The following TBC1D22A variants were observed in gnomAD, a reference collection of about 807,000 sequenced individuals.
The protein encoded by TBC1D22A is TBC1 domain family member 22A, also known as putative GTPase activator.
A neutral mutation model predicts 60.2 loss-of-function variants in TBC1D22A; 38 were observed. The observed-to-expected ratio is 0.63, with a 90% CI of 0.49 to 0.83. The LOEUF (loss-of-function observed/expected upper bound fraction) is 0.83, where lower values mean the gene tolerates loss of function less well. TBC1D22A is among the 40% of genes least tolerant of loss of function. The pLI, the probability that TBC1D22A is intolerant of heterozygous loss-of-function variation, is 0.00. For synonymous variants in TBC1D22A, 302 were observed against 281.7 expected, an observed-to-expected ratio of 1.07 and a Z score of -0.72; for missense variants, 628 against 701.0, an observed-to-expected ratio of 0.90 and a Z score of 1.18.
chr22:46,909,352 A>G (rs1005163035), intron 7 of TBC1D22A, among the ~76,000 whole-genome samples: 2 of 152,160 alleles, frequency 1.3e-5, no homozygotes, highest in African/African-American at 4.8e-5. Context: ...CTGCAGTGCG[A>G]CTGCCCCCTG....
chr22:46,817,320 G>A (rs1268142750), intron 4 of TBC1D22A, among the ~76,000 whole-genome samples: 4 of 151,866 alleles, frequency 2.6e-5, no homozygotes, highest in African/African-American at 9.7e-5. Flanking sequence ...GAATGTGCAG[G>A]TTTGTTACGT....
chr22:46,967,062 C>T (rs556105271), intron 8 of TBC1D22A, among the ~76,000 whole-genome samples: 9 of 152,314 alleles, frequency 5.9e-5, no homozygotes, highest in Admixed American at 3.3e-4. Context: ...GCCCTCCCAC[C>T]GTATGCCCGC....
chr22:46,853,503 C>T (rs2087399076), intron 4 of TBC1D22A, among the ~76,000 whole-genome samples: 1 of 152,106 alleles, frequency 6.6e-6, no homozygotes, highest in Non-Finnish European at 1.5e-5. Context: ...CTTCCTCCAG[C>T]CTCCAATAGA....
intron 12 of TBC1D22A, among the ~76,000 whole-genome samples, chr22:47,113,204 GCA>G: frequency 6.6e-6 from 1 of 152,352 alleles, no homozygotes; most frequent in South Asian, 2.1e-4. Context: ...CCACCGGCCA[GCA>G]CACACAACTG....
chr22:46,868,772 T>C (rs2067170259), intron 4 of TBC1D22A, among the ~76,000 whole-genome samples: 1 of 152,248 alleles, frequency 6.6e-6, no homozygotes, highest in Non-Finnish European at 1.5e-5. Flanking sequence ...CCTCTTCTCC[T>C]TCCCCATCCT....
At chr22:47,043,797 G>A (rs116643412) in intron 11 of TBC1D22A, among the ~76,000 whole-genome samples, 2,685 of 152,274 alleles carry the variant, frequency 0.018, 67 homozygotes, top group African/African-American at 0.053. Context: ...GCAGGGGGGC[G>A]CAGTGTGCTC....
At chr22:46,944,850 G>T (rs1244500758) in intron 8 of TBC1D22A, among the ~76,000 whole-genome samples, 1 of 152,170 alleles carries the variant, frequency 6.6e-6, no homozygotes, top group Non-Finnish European at 1.5e-5. Flanking sequence ...GAGGAAAAAA[G>T]AATCCTTAAA....
At chr22:47,088,796 A>G (rs1472884386) in intron 11 of TBC1D22A, among the ~76,000 whole-genome samples, 2 of 152,192 alleles carry the variant, frequency 1.3e-5, no homozygotes, top group African/African-American at 2.4e-5. Flanking sequence ...CTGCCGATCA[A>G]TTGCAGCATC....
chr22:47,137,857 CGGGAGTG>C (rs2066931702), intron 12 of TBC1D22A, among the ~76,000 whole-genome samples: 1 of 151,574 alleles, frequency 6.6e-6, no homozygotes, highest in South Asian at 2.1e-4. Flanking sequence ...AGCGGGGAGC[CGGGAGTG>C]GGGAGTGGGA....
At chr22:46,807,757 A>G (rs1336193807) in intron 4 of TBC1D22A, among the ~76,000 whole-genome samples, 3 of 152,298 alleles carry the variant, frequency 2.0e-5, no homozygotes, top group East Asian at 3.9e-4. Flanking sequence ...GCTTCTTTGC[A>G]TTGCACACTG....
rs1367779839 is a variant in TBC1D22A at position 46,790,116 on chromosome 22, G to GT, written c.63-2404_63-2403insT. On this transcript the variant is annotated intron_variant, in intron 1 of 12. Coordinates refer to ENST00000337137, the MANE Select transcript of TBC1D22A (RefSeq NM_014346.5). ...TTCTAGAATTTGCAAGTCTGATGTGGGTCTCGCTGGGCTAACACCAAGGTG... is the reference window on the plus strand; with the variant it reads ...TTCTAGAATTTGCAAGTCTGATGTGGTGTCTCGCTGGGCTAACACCAAGGTG... 1.5e-3 allele frequency among the ~76,000 whole-genome samples: 221 copies of GT among 152,356 alleles called. 9 individuals carry two copies. In the East Asian group the frequency reaches 0.033, roughly 22 times the overall value.
rs577196262 is a variant in TBC1D22A, at chr22:47,162,647, T to G, written c.1426-10851T>G. ...TGTGGACCCGGTGCAGGGAGAGTCG[T>G]GGGAATGGGACTGCGGACCCGGTGC... On this transcript the variant is annotated intron_variant, in intron 12 of 12. Coordinates refer to ENST00000337137, the MANE Select transcript of TBC1D22A (RefSeq NM_014346.5). 8.7e-3 allele frequency among the ~76,000 whole-genome samples: 342 copies of G among 39,404 alleles called. 3 individuals carry two copies. The highest frequency in any genetic ancestry group is 0.022 in the African/African-American group (273 of 12,382). The allele number at this position is 39,404 out of a possible 152,430, so 25.9% of individuals were successfully genotyped here. A position where few individuals can be genotyped will look rare whatever the true frequency, so the allele number is the denominator to read the frequency against.
intron 11 of TBC1D22A, among the ~76,000 whole-genome samples, chr22:47,111,265 T>C (rs562759212): frequency 6.6e-6 from 1 of 152,374 alleles, no homozygotes; most frequent in South Asian, 2.1e-4. Context: ...TCTGAGGCTG[T>C]CTGAAGCTTG....
In TBC1D22A at chr22:47,138,039, G is replaced by A. The variant is rs145329669; in HGVS notation, c.1425+26436G>A. Among the ~76,000 whole-genome samples the A allele has an allele frequency of 4.7e-3, 714 of 152,272 alleles. 4 individuals carry two copies. The highest frequency in any genetic ancestry group is 0.023 in the South Asian group (109 of 4,818). ...CACAGGTGCTCTGTGGAGTGTCATC[G>A]TCAGTGCCACTGTCACCTAATAGGA... On this transcript the variant is annotated intron_variant, in intron 12 of 12. Coordinates refer to ENST00000337137, the MANE Select transcript of TBC1D22A (RefSeq NM_014346.5).
intron 11 of TBC1D22A, among the ~76,000 whole-genome samples, chr22:47,053,232 G>A (rs2063285584): frequency 1.3e-5 from 2 of 152,310 alleles, no homozygotes; most frequent in South Asian, 4.1e-4. Context: ...GCCACTTTCT[G>A]CCTCCTCCTG....
At chr22:46,773,715 G>A (rs1240989717) in intron 1 of TBC1D22A, among the ~76,000 whole-genome samples, 4 of 152,066 alleles carry the variant, frequency 2.6e-5, no homozygotes, top group East Asian at 1.9e-4. Flanking sequence ...CAGGTGATCC[G>A]CCCACCTTGG....
intron 8 of TBC1D22A, among the ~76,000 whole-genome samples, chr22:46,913,144 A>G (rs946138532): frequency 2.6e-5 from 4 of 152,236 alleles, no homozygotes; most frequent in Non-Finnish European, 4.4e-5. Flanking sequence ...TGTTTTGAAT[A>G]TGTTTTTAAG....
At chr22:46,917,677 G>A (rs1267691266) in intron 8 of TBC1D22A, among the ~76,000 whole-genome samples, 1 of 152,168 alleles carries the variant, frequency 6.6e-6, no homozygotes, top group Non-Finnish European at 1.5e-5. Flanking sequence ...CTGCAGTGGA[G>A]GTTAGTCTGG....
chr22:46,955,663 G>C (rs2073150179), intron 8 of TBC1D22A, among the ~76,000 whole-genome samples: 1 of 152,154 alleles, frequency 6.6e-6, no homozygotes, highest in Non-Finnish European at 1.5e-5. Flanking sequence ...AACTTCACAG[G>C]TAATGAAAAT....
Sources: allele counts gnomAD v4.1 joint callset (sites outside exome capture counted in the v4.1 genomes callset), GRCh38; gene constraint gnomAD v4.1.1; transcripts MANE v1.5; gene names NCBI Gene and HGNC (gene_info 2026-07-23, HGNC 2026-07-21).